Variants in RGS7 observed in about 807,000 individuals in gnomAD.
RGS7 encodes the protein regulator of G protein signaling 7, also known as regulator of G-protein signaling 7.
A neutral mutation model predicts 81.1 loss-of-function variants in RGS7; 27 were observed. That is an observed-to-expected ratio of 0.33 (90% CI 0.25 to 0.46). The LOEUF (loss-of-function observed/expected upper bound fraction) is 0.46, where lower values mean the gene tolerates loss of function less well. Among genes scored for constraint, RGS7 ranks in the 20% least tolerant of loss-of-function variants. The pLI is 1.00. For synonymous variants in RGS7, 208 were observed against 207.7 expected (o/e 1.00, Z -0.01); for missense variants, 396 against 607.4 (o/e 0.65, Z 3.66).
intron 2 of RGS7, among the ~76,000 whole-genome samples, chr1:241,174,305 T>C (rs1645477388): frequency 6.6e-6 from 1 of 152,200 alleles, no homozygotes; most frequent in African/African-American, 2.4e-5. Context: ...ACAAATGCAG[T>C]TTCTATGTGT....
chr1:241,197,581 G>A lies in RGS7; in HGVS notation c.79-98819C>T, dbSNP rs1399909953. On this transcript the variant is annotated intron_variant, in intron 2 of 18. Transcript: ENST00000440928. The stretch of plus-strand genomic sequence containing the variant: ...ATCAAAGTATCTTAATCTCAAAGTA[G>A]ATGGTATAGCAAGAAGCACCACTAG... 2.0e-5 allele frequency among the ~76,000 whole-genome samples: 3 copies of A among 151,904 alleles called. No individual in the cohort carries two copies. In the East Asian group the frequency reaches 5.8e-4, roughly 29 times the overall value.
At chr1:240,960,217 C>CTTCTTCTTTTTTTTTTTT (rs60911948) in intron 4 of RGS7, among the ~76,000 whole-genome samples, 1 of 8,956 alleles carries the variant, frequency 1.1e-4, no homozygotes, top group Non-Finnish European at 2.0e-4. Context: ...TCTTCTTCTT[C>CTTCTTCTTTTTTTTTTTT]TTTTTTTTTT....
At chr1:240,901,191 T>C (rs1042304186) in intron 6 of RGS7, among the ~76,000 whole-genome samples, 1 of 152,152 alleles carries the variant, frequency 6.6e-6, no homozygotes, top group Non-Finnish European at 1.5e-5. Flanking sequence ...GTACTGTCTA[T>C]CACAGCTTCC....
intron 3 of RGS7, among the ~76,000 whole-genome samples, chr1:241,090,802 T>C (rs2063823657): frequency 6.6e-6 from 1 of 152,060 alleles, no homozygotes; most frequent in East Asian, 1.9e-4. Context: ...TCCTTAGAGG[T>C]AAAAATGAAG....
intron 3 of RGS7, among the ~76,000 whole-genome samples, chr1:241,058,273 G>A (rs1212254461): frequency 1.3e-5 from 2 of 152,194 alleles, no homozygotes; most frequent in Non-Finnish European, 2.9e-5. Flanking sequence ...TACAACTCTA[G>A]TAAACACACT....
intron 4 of RGS7, among the ~76,000 whole-genome samples, chr1:240,955,551 C>CAAA (rs369155474): frequency 2.1e-4 from 29 of 140,296 alleles, no homozygotes; most frequent in African/African-American, 5.7e-4. Flanking sequence ...GACTCTGTCT[C>CAAA]AAAAAAAAAA....
chr1:241,146,839 C>T (rs184373939), intron 2 of RGS7, among the ~76,000 whole-genome samples: 3 of 152,048 alleles, frequency 2.0e-5, no homozygotes, highest in African/African-American at 7.2e-5. Context: ...CTGCTGAGGA[C>T]CCACTTTCTG....
chr1:241,248,476 A>C (rs2076668103), intron 2 of RGS7, among the ~76,000 whole-genome samples: 2 of 150,936 alleles, frequency 1.3e-5, no homozygotes, highest in South Asian at 4.2e-4. Context: ...TTTACATTTA[A>C]TGTAAGTATT....
chr1:241,260,554 CT>C (rs1331542622), intron 2 of RGS7, among the ~76,000 whole-genome samples: 1 of 152,188 alleles, frequency 6.6e-6, no homozygotes, highest in East Asian at 1.9e-4. Context: ...GATTCAGTTG[CT>C]TTTTTTCACA....
Position 240,869,000 on chromosome 1 carries a change from C to G in RGS7, c.451-148G>C, listed in dbSNP as rs1393225543. 2.7e-6 allele frequency: 2 copies of G among 750,584 alleles called. No homozygotes were observed. Among genetic ancestry groups the G allele is most frequent in the Non-Finnish European group, 4.7e-6 (2 of 423,512 alleles). 46.5% of individuals were successfully genotyped at this position (750,584 alleles called of 1,614,324 possible). A position where few individuals can be genotyped will look rare whatever the true frequency, so the allele number is the denominator to read the frequency against. ...TGGTTCTCAATGATAAGTCATGCTC[C>G]CTGAATTCAGCTCATCTTCATATTG... On this transcript the variant is annotated intron_variant, in intron 7 of 18. Coordinates refer to ENST00000440928, the MANE Select transcript of RGS7 (RefSeq NM_001364886.1). This position sits in a 1 kb window ranked among gnomAD's most constrained non-coding sequence, Gnocchi z 5.1.
Position 240,868,373 on chromosome 1 carries a change from T to C in RGS7, c.609+214A>G, listed in dbSNP as rs1663851545. Among the ~76,000 whole-genome samples the C allele has an allele frequency of 6.6e-6, 1 of 152,168 alleles. No homozygotes were observed. Among genetic ancestry groups the C allele is most frequent in the South Asian group, 2.1e-4 (1 of 4,826 alleles). ...GCAAGAGAGTAAGCAAGCGATATCA[T>C]GGTGGGAAAATGCATGGTTTTATAA... On this transcript the variant is annotated intron_variant, in intron 9 of 18. Transcript: ENST00000440928. This position sits in a 1 kb window ranked among gnomAD's most constrained non-coding sequence, Gnocchi z 5.1.
intron 15 of RGS7, 40 bp from the exon 16 acceptor site, chr1:240,803,033 C>T (rs771263438): frequency 7.1e-7 from 1 of 1,412,536 alleles, no homozygotes; most frequent in East Asian, 2.3e-5. Flanking sequence ...TTTATGATTT[C>T]TTGGGAAAAG....
chr1:240,806,446 G>T, intron 14 of RGS7, 120 bp from the exon 15 acceptor site: 1 of 891,420 alleles, frequency 1.1e-6, no homozygotes. Context: ...TTCTCTGAGG[G>T]CTTCCAGTAT....
chr1:240,829,111 T>C (rs1003802705), intron 9 of RGS7, among the ~76,000 whole-genome samples: 1 of 152,136 alleles, frequency 6.6e-6, no homozygotes, highest in African/African-American at 2.4e-5. Context: ...CGCCATAATA[T>C]TATAATAGAT....
At chr1:241,064,821 T>C (rs896372954) in intron 3 of RGS7, among the ~76,000 whole-genome samples, 1 of 152,138 alleles carries the variant, frequency 6.6e-6, no homozygotes, top group Non-Finnish European at 1.5e-5. Flanking sequence ...CGTAGTGCCA[T>C]ATCCATCCCT....
chr1:241,106,638 C>G (rs1237326920), intron 2 of RGS7, among the ~76,000 whole-genome samples: 1 of 150,888 alleles, frequency 6.6e-6, no homozygotes, highest in Non-Finnish European at 1.5e-5. Flanking sequence ...ATCCCTTGAA[C>G]CTGGGAGGCG....
chr1:240,987,757 T>C (rs1685891399), intron 3 of RGS7, among the ~76,000 whole-genome samples: 1 of 152,114 alleles, frequency 6.6e-6, no homozygotes, highest in African/African-American at 2.4e-5. Context: ...CTTGAAATCC[T>C]GGCCTTAAGT....
At chr1:240,987,143 G>A (rs1050020941) in intron 3 of RGS7, among the ~76,000 whole-genome samples, 1 of 152,112 alleles carries the variant, frequency 6.6e-6, no homozygotes, top group Non-Finnish European at 1.5e-5. Flanking sequence ...AATTAGAGGT[G>A]CACAAAAATA....
Position 241,058,558 on chromosome 1 carries a change from C to A in RGS7, c.175+40108G>T, listed in dbSNP as rs973932136. 9.2e-5 allele frequency among the ~76,000 whole-genome samples: 14 copies of A among 152,324 alleles called. 1 individual carries two copies. Among genetic ancestry groups the A allele is most frequent in the Middle Eastern group, 6.8e-3 (2 of 294 alleles). On this transcript the variant is annotated intron_variant, in intron 3 of 18. Transcript: ENST00000440928. ...GCTGAAAACCCGTAAGGATTCACAG[C>A]CGGTAACTTGGGTACCCGCCACAGC...
Sources: gnomAD v4.1 joint callset for allele counts (sites outside exome capture counted in the v4.1 genomes callset) on GRCh38, gnomAD v4.1.1 for gene constraint, Gnocchi (gnomAD v3.1) non-coding constraint, MANE v1.5 for transcripts, NCBI Gene and HGNC (gene_info 2026-07-23, HGNC 2026-07-21) for gene names.